Variants in NTN4 observed in about 807,000 individuals in gnomAD.
NTN4 encodes the protein netrin-4.
Under a neutral mutation model 73.6 loss-of-function variants are expected in NTN4, and 32 were observed. The observed-to-expected ratio is 0.44, with a 90% CI of 0.33 to 0.58. The LOEUF is 0.58. Ranked by LOEUF, NTN4 falls within the 20% of genes least tolerant of loss-of-function variation. The pLI, the probability that NTN4 is intolerant of heterozygous loss-of-function variation, is 0.04. For synonymous variants in NTN4, 258 were observed against 287.5 expected, an observed-to-expected ratio of 0.90 and a Z score of 1.04; for missense variants, 654 against 798.3, an observed-to-expected ratio of 0.82 and a Z score of 2.18.
intron 3 of NTN4, among the ~76,000 whole-genome samples, chr12:95,737,444 T>C (rs1399156851): frequency 6.6e-6 from 1 of 152,198 alleles, no homozygotes; most frequent in African/African-American, 2.4e-5. Flanking sequence ...TTTTATTCAT[T>C]CTGCTGGCTG....
At chr12:95,782,499 T>C (rs1204562887) in intron 2 of NTN4, among the ~76,000 whole-genome samples, 2 of 152,084 alleles carry the variant, frequency 1.3e-5, no homozygotes, top group Admixed American at 6.5e-5. Flanking sequence ...GGTTTCACCA[T>C]GTTGGCCAGG....
chr12:95,711,244 T>G (rs952543910), intron 4 of NTN4, among the ~76,000 whole-genome samples: 1 of 152,156 alleles, frequency 6.6e-6, no homozygotes, highest in South Asian at 2.1e-4. Flanking sequence ...AGGAGATGCA[T>G]GAAAATCAAC....
intron 3 of NTN4, among the ~76,000 whole-genome samples, 184 bp downstream of exon 3, chr12:95,737,680 CTA>C (rs1339585117): frequency 1.3e-5 from 2 of 152,296 alleles, no homozygotes; most frequent in Non-Finnish European, 2.9e-5. Flanking sequence ...TCAGGCTTGA[CTA>C]CAACTCTAAA....
rs368725007 is a variant in NTN4, at chr12:95,696,444, ATCT to A, written c.1181-12736_1181-12734del. ...ATTGATGATCTTATGGCCTCCAATA[ATCT>A]TCTGATTTTTCACCTCACTGCCGTC... On this transcript the variant is annotated intron_variant, in intron 5 of 9. Coordinates refer to ENST00000343702, the MANE Select transcript of NTN4 (RefSeq NM_021229.4). Among the ~76,000 whole-genome samples the A allele has an allele frequency of 3.3e-5, 5 of 152,092 alleles. 1 individual carries two copies. Among genetic ancestry groups the A allele is most frequent in the African/African-American group, 1.2e-4 (5 of 41,410 alleles).
At chr12:95,770,988 A>AATTTTTTTT (rs2079053316) in intron 2 of NTN4, among the ~76,000 whole-genome samples, 2 of 58,068 alleles carry the variant, frequency 3.4e-5, no homozygotes, top group African/African-American at 8.8e-5. Flanking sequence ...CAGGAAAAGA[A>AATTTTTTTT]TTTGTTTTTT....
rs750508188 is a variant in NTN4, at chr12:95,683,514, C to T, written c.1378G>A (p.Gly460Arg). Residue 460 changes from glycine (G) to arginine (R), a missense_variant, in exon 6 of 10, where the codon GGA (glycine) becomes AGA (arginine). By Grantham distance (125) the Gly-to-Arg change is moderately radical. Coordinates refer to ENST00000343702, the MANE Select transcript of NTN4 (RefSeq NM_021229.4). ...DCAGSCDPIT[G>R]DCISSHTDID... ...CACATTCACCTGCTGATGCAGTCTC[C>T]GGTGATAGGGTCACAGCTCCCCGCA... 1.3e-5 allele frequency: 21 copies of T among 1,614,060 alleles called. No homozygotes were observed. Among genetic ancestry groups the T allele is most frequent in the South Asian group, 3.3e-5 (3 of 91,086 alleles).
chr12:95,753,847 C>T (rs2121225324), intron 2 of NTN4, among the ~76,000 whole-genome samples: 1 of 152,258 alleles, frequency 6.6e-6, no homozygotes. Flanking sequence ...GCCCCAGTCT[C>T]ATTCGACACC....
intron 7 of NTN4, among the ~76,000 whole-genome samples, chr12:95,677,336 G>A (rs1183455846): frequency 6.6e-6 from 1 of 151,546 alleles, no homozygotes; most frequent in Non-Finnish European, 1.5e-5. Context: ...TAATACTTTC[G>A]TCTACTCATA....
At chr12:95,730,266 ATAT>A (rs2078728445) in intron 3 of NTN4, among the ~76,000 whole-genome samples, 1 of 152,200 alleles carries the variant, frequency 6.6e-6, no homozygotes, top group Non-Finnish European at 1.5e-5. Flanking sequence ...AAATGAACAA[ATAT>A]TATATTTTGG....
At chr12:95,713,899 A>G (rs959891778) in intron 3 of NTN4, among the ~76,000 whole-genome samples, 5 of 152,100 alleles carry the variant, frequency 3.3e-5, no homozygotes, top group Non-Finnish European at 5.9e-5. Context: ...TTTTATTGTA[A>G]TTTAGGTTTT....
At chr12:95,746,479 C>T (rs921675729) in intron 2 of NTN4, among the ~76,000 whole-genome samples, 1 of 152,080 alleles carries the variant, frequency 6.6e-6, no homozygotes, top group African/African-American at 2.4e-5. Context: ...GTCTCTTGGC[C>T]GCCGGCTAAA....
intron 7 of NTN4, among the ~76,000 whole-genome samples, chr12:95,679,458 G>A (rs1308003751): frequency 6.6e-6 from 1 of 152,094 alleles, no homozygotes; most frequent in African/African-American, 2.4e-5. Flanking sequence ...TACTCTTCCA[G>A]TCTCAATTTC....
In NTN4 at chr12:95,708,432, C is replaced by T. The variant is rs1035956993; in HGVS notation, c.1180+2009G>A. 8.6e-5 allele frequency among the ~76,000 whole-genome samples: 13 copies of T among 151,800 alleles called. No individual in the cohort carries two copies. In the East Asian group the frequency reaches 1.2e-3, roughly 14 times the overall value. On this transcript the variant is annotated intron_variant, in intron 5 of 9. Transcript: ENST00000343702. ...CCTCCCGAGTAGCTGGAACTACAGG[C>T]GCCCGCCACCACGCCCGGCTAATTT... is the stretch of plus-strand genomic sequence containing the variant.
rs184002672 is a variant in NTN4, at chr12:95,737,789, A to C, written c.864+77T>G. The C allele has an allele frequency of 4.9e-6, 7 of 1,426,260 alleles. No homozygotes were observed. In the African/African-American group the frequency reaches 7.0e-5, roughly 14 times the overall value. 88.4% of individuals were successfully genotyped at this position (1,426,260 alleles called of 1,614,324 possible). On this transcript the variant is annotated intron_variant, in intron 3 of 9. Transcript: ENST00000343702. The stretch of plus-strand genomic sequence containing the variant: ...GGAAAAAATCAGCAGCACTATGTTA[A>C]GCATATACCAACCAATGCCCAAAGC...
chr12:95,786,970 T>TACTC lies in NTN4; in HGVS notation c.553_554insGAGT (p.Tyr185Ter), dbSNP rs1228941705. 3 of 1,613,942 alleles carry TACTC rather than the reference T, an allele frequency of 1.9e-6. No homozygotes were observed. Among genetic ancestry groups the TACTC allele is most frequent in the Non-Finnish European group, 2.5e-6 (3 of 1,179,986 alleles). On this transcript the variant is annotated stop_gained and frameshift_variant, in exon 2 of 10. Transcript: ENST00000343702. LOFTEE classifies it high-confidence loss of function. ...TCCAGTGCATGGAAAAGGACTGGAG[T>TACTC]ATTTAGAAGTACAAATAGCGCCCTT...
At chr12:95,735,147 C>A (rs2078766227) in intron 3 of NTN4, among the ~76,000 whole-genome samples, 1 of 152,198 alleles carries the variant, frequency 6.6e-6, no homozygotes, top group African/African-American at 2.4e-5. Context: ...GTCAAATACA[C>A]CCAAGCTTAG....
rs1020687138 is a variant in NTN4 at position 95,789,907 on chromosome 12, A to T, written c.55+348T>A. 4.3e-6 allele frequency: 1 copy of T among 230,024 alleles called. No homozygotes were observed. The highest frequency in any genetic ancestry group is 8.5e-6 in the Non-Finnish European group (1 of 118,230). 14.2% of individuals were successfully genotyped at this position (230,024 alleles called of 1,614,324 possible). On this transcript the variant is annotated intron_variant, in intron 1 of 9. Coordinates refer to ENST00000343702, the MANE Select transcript of NTN4 (RefSeq NM_021229.4). This position sits in a 1 kb window ranked among gnomAD's most constrained non-coding sequence, Gnocchi z 4.0. Reference sequence around the variant, plus strand: ...ACCCCTCCTCATCATTCCTTAGGCCATGAAGTGCCGGGGGATGGCGAGCTG... The same window carrying T: ...ACCCCTCCTCATCATTCCTTAGGCCTTGAAGTGCCGGGGGATGGCGAGCTG...
At chr12:95,748,416 T>C (rs1039667195) in intron 2 of NTN4, among the ~76,000 whole-genome samples, 1 of 151,686 alleles carries the variant, frequency 6.6e-6, no homozygotes, top group Admixed American at 6.6e-5. Flanking sequence ...CCTGGAACTT[T>C]TGCCTAATAT....
chr12:95,759,485 A>ATTTTTTTTTTTTTTTTTTTTTTTTT (rs748864733), intron 2 of NTN4, among the ~76,000 whole-genome samples: 1 of 122,312 alleles, frequency 8.2e-6, no homozygotes. Context: ...CCCTAGTAGT[A>ATTTTTTTTTTTTTTTTTTTTTTTTT]TTTTTGTTTT....
Sources: allele counts gnomAD v4.1 joint callset (sites outside exome capture counted in the v4.1 genomes callset), GRCh38; gene constraint gnomAD v4.1.1; non-coding constraint Gnocchi (gnomAD v3.1); transcripts MANE v1.5; gene names NCBI Gene and HGNC (gene_info 2026-07-23, HGNC 2026-07-21).